TTC29: variants seen among roughly 807,000 people sequenced by gnomAD.
TTC29 encodes the protein tetratricopeptide repeat protein 29.
In TTC29, 49 loss-of-function variants were observed where a neutral mutation model predicts 58.1. That is an observed-to-expected ratio of 0.84 (90% CI 0.67 to 1.07). The LOEUF (loss-of-function observed/expected upper bound fraction) is 1.07. Ranked by LOEUF, TTC29 falls within the 50% of genes least tolerant of loss-of-function variation. The probability of loss-of-function intolerance (pLI) is 0.00; values close to 1 mark genes in which losing one functional copy is unlikely to be tolerated. For missense variants in TTC29, 582 were observed against 555.6 expected (o/e 1.05, Z -0.48); for synonymous variants, 209 against 196.8 (o/e 1.06, Z -0.52).
intron 6 of TTC29, among the ~76,000 whole-genome samples, chr4:146,901,410 G>A (rs1244742725): frequency 6.6e-6 from 1 of 152,022 alleles, no homozygotes; most frequent in African/African-American, 2.4e-5. Flanking sequence ...TTCTATTTAA[G>A]GTATCAGGAG....
At chr4:146,799,088 T>C (rs1750031550) in intron 11 of TTC29, among the ~76,000 whole-genome samples, 1 of 152,086 alleles carries the variant, frequency 6.6e-6, no homozygotes, top group Non-Finnish European at 1.5e-5. Context: ...ATGTTAGAGC[T>C]CAGATCACTG....
At chr4:146,763,589 A>G (rs1747070844) in intron 11 of TTC29, among the ~76,000 whole-genome samples, 1 of 152,158 alleles carries the variant, frequency 6.6e-6, no homozygotes, top group Non-Finnish European at 1.5e-5. Flanking sequence ...CTCTTAAGGC[A>G]ACACGATGAG....
intron 10 of TTC29, among the ~76,000 whole-genome samples, chr4:146,807,164 GAAAT>G (rs1341878472): frequency 1.3e-5 from 2 of 152,120 alleles, no homozygotes; most frequent in Admixed American, 6.5e-5. Context: ...AATTAAGGCA[GAAAT>G]AAATAAGTTC....
intron 11 of TTC29, among the ~76,000 whole-genome samples, chr4:146,784,021 G>A (rs1748819611): frequency 6.7e-6 from 1 of 150,264 alleles, no homozygotes; most frequent in Non-Finnish European, 1.5e-5. Context: ...AATTAACTCA[G>A]TAGCTTGAAC....
intron 11 of TTC29, among the ~76,000 whole-genome samples, chr4:146,726,323 C>T (rs902926786): frequency 6.6e-6 from 1 of 152,030 alleles, no homozygotes; most frequent in Admixed American, 6.6e-5. Context: ...TGTGGTGGTG[C>T]ACGCCTGTAA....
intron 4 of TTC29, among the ~76,000 whole-genome samples, chr4:146,924,217 T>C (rs1457678476): frequency 6.6e-6 from 1 of 151,878 alleles, no homozygotes; most frequent in African/African-American, 2.4e-5. Flanking sequence ...GATAGGTTTA[T>C]ATTAACATTG....
intron 4 of TTC29, among the ~76,000 whole-genome samples, chr4:146,914,945 G>T (rs1443735579): frequency 6.6e-5 from 10 of 152,140 alleles, no homozygotes; most frequent in Admixed American, 2.6e-4. Context: ...CAGCCATGGA[G>T]ATATTATAGT....
intron 11 of TTC29, among the ~76,000 whole-genome samples, chr4:146,799,714 A>T (rs1750080488): frequency 6.6e-6 from 1 of 152,216 alleles, no homozygotes; most frequent in Non-Finnish European, 1.5e-5. Flanking sequence ...CTACAATAAG[A>T]AAGTACATGA....
At chr4:146,938,110 A>C (rs1371490227) in intron 3 of TTC29, among the ~76,000 whole-genome samples, 1 of 152,180 alleles carries the variant, frequency 6.6e-6, no homozygotes, top group Non-Finnish European at 1.5e-5. Context: ...TTTTGTCCTG[A>C]AATGTTCTTT....
intron 11 of TTC29, among the ~76,000 whole-genome samples, chr4:146,724,943 G>T (rs958819735): frequency 6.6e-6 from 1 of 151,948 alleles, no homozygotes; most frequent in African/African-American, 2.4e-5. Flanking sequence ...TGGTTTTTAC[G>T]CAGTTTACAG....
At chr4:146,816,604 G>A (rs1227984202) in intron 10 of TTC29, among the ~76,000 whole-genome samples, 1 of 152,006 alleles carries the variant, frequency 6.6e-6, no homozygotes, top group African/African-American at 2.4e-5. Flanking sequence ...TGCAGGACAG[G>A]AGGGAGCAAG....
chr4:146,819,144 TAAAAA>T (rs1175933922), intron 10 of TTC29, among the ~76,000 whole-genome samples: 1 of 150,064 alleles, frequency 6.7e-6, no homozygotes, highest in African/African-American at 2.4e-5. Context: ...AATAAAAAAA[TAAAAA>T]AATAAAAAAA....
intron 4 of TTC29, among the ~76,000 whole-genome samples, chr4:146,928,220 A>C (rs771590060): frequency 1.1e-4 from 16 of 152,198 alleles, no homozygotes; most frequent in Non-Finnish European, 1.9e-4. Flanking sequence ...ATAATGCTCC[A>C]AAAATGAGTG....
chr4:146,876,468 T>C (rs1297745877), intron 6 of TTC29, among the ~76,000 whole-genome samples: 2 of 152,230 alleles, frequency 1.3e-5, no homozygotes, highest in African/African-American at 2.4e-5. Flanking sequence ...ATGAATTTCA[T>C]TGAATAGTGT....
chr4:146,878,038 T>C (rs1233860372), intron 6 of TTC29, among the ~76,000 whole-genome samples: 3 of 152,094 alleles, frequency 2.0e-5, no homozygotes, highest in African/African-American at 7.2e-5. Flanking sequence ...GTATTCCTTA[T>C]CCGCCAGACG....
chr4:146,804,879 C>T (rs1056974135), intron 10 of TTC29, among the ~76,000 whole-genome samples: 2 of 152,232 alleles, frequency 1.3e-5, no homozygotes, highest in Non-Finnish European at 2.9e-5. Context: ...AGTGCTCAAG[C>T]TCTGCTAAGG....
Position 146,811,972 on chromosome 4 carries a change from T to C in TTC29, c.1101+8153A>G, listed in dbSNP as rs183641724. ...TACATCAAAAATAACTTTTGTTTGC[T>C]GAGGTGAACAATTCTTTCTCTTTCT... On this transcript the variant is annotated intron_variant, in intron 10 of 12. Transcript: ENST00000325106. 5.9e-5 allele frequency among the ~76,000 whole-genome samples: 9 copies of C among 152,324 alleles called. No homozygotes were observed. The East Asian group carries it at 1.7e-3, about 29-fold the overall frequency.
chr4:146,792,665 A>C (rs1749550702), intron 11 of TTC29, among the ~76,000 whole-genome samples: 1 of 152,230 alleles, frequency 6.6e-6, no homozygotes, highest in African/African-American at 2.4e-5. Context: ...TATTTAAGAA[A>C]TACTTTGTAC....
intron 5 of TTC29, among the ~76,000 whole-genome samples, chr4:146,908,631 A>T (rs1733684323): frequency 6.6e-6 from 1 of 152,204 alleles, no homozygotes; most frequent in African/African-American, 2.4e-5. Context: ...TAAACTTAGG[A>T]AAATCAGTGT....
Sources: gnomAD v4.1 joint callset for allele counts (sites outside exome capture counted in the v4.1 genomes callset) on GRCh38, gnomAD v4.1.1 for gene constraint, MANE v1.5 for transcripts, NCBI Gene and HGNC (gene_info 2026-07-23, HGNC 2026-07-21) for gene names.